The following OARD1 variants were observed in gnomAD, a reference collection of about 807,000 sequenced individuals.
The protein encoded by OARD1 is O-acyl-ADP-ribose deacylase 1, also known as ADP-ribose glycohydrolase OARD1.
OARD1 carries 19 observed loss-of-function variants against 19.7 expected under a neutral mutation model. That is an observed-to-expected ratio of 0.96 (90% CI 0.67 to 1.41). The LOEUF (loss-of-function observed/expected upper bound fraction) is 1.41, where lower values mean the gene tolerates loss of function less well. Ranked by LOEUF, OARD1 falls within the 40% of genes most tolerant of loss-of-function variation. The pLI is 0.00. For synonymous variants in OARD1, 70 were observed against 61.8 expected, an observed-to-expected ratio of 1.13 and a Z score of -0.62; for missense variants, 190 against 183.8, an observed-to-expected ratio of 1.03 and a Z score of -0.20.
At chr6:41,097,453 C>G (rs144914647) in intron 1 of OARD1, 1 of 1,597,388 alleles carries the variant, frequency 6.3e-7, no homozygotes, top group South Asian at 1.1e-5. Flanking sequence ...ATGTTTCTCA[C>G]TGTTCCAGGA....
intron 1 of OARD1, chr6:41,089,772 T>C: frequency 6.3e-7 from 1 of 1,575,720 alleles, no homozygotes; most frequent in Non-Finnish European, 8.6e-7. Flanking sequence ...GATAACTGAG[T>C]CAGATATTTC....
intron 1 of OARD1, among the ~76,000 whole-genome samples, chr6:41,085,744 G>A (rs982050380): frequency 1.4e-5 from 2 of 142,836 alleles, no homozygotes; most frequent in South Asian, 2.1e-4. Context: ...ATGTGGGGTT[G>A]TGTTTTCATT....
intron 1 of OARD1, among the ~76,000 whole-genome samples, chr6:41,088,245 C>T (rs1016004372): frequency 4.0e-5 from 6 of 151,466 alleles, no homozygotes; most frequent in Non-Finnish European, 7.4e-5. Context: ...AGTGAAACCC[C>T]GTCTCTACTA....
rs1763379118 is a variant in OARD1, at chr6:41,071,418, C to T, written c.40-142G>A. ...TGATTTAAAGCCAAACCAATTACAG[C>T]ATGTGTAAAAGGAAAGTAATGGATG... On this transcript the variant is annotated intron_variant, in intron 2 of 5. Coordinates refer to ENST00000424266, the MANE Select transcript of OARD1 (RefSeq NM_001329686.2). 4 of 1,008,040 alleles carry T rather than the reference C, an allele frequency of 4.0e-6. No homozygotes were observed. The African/African-American group carries it at 4.9e-5, about 12-fold the overall frequency. The allele number at this position is 1,008,040 out of a possible 1,614,324, so 62.4% of individuals were successfully genotyped here. A position where few individuals can be genotyped will look rare whatever the true frequency, so the allele number is the denominator to read the frequency against.
At chr6:41,097,437 A>AAGGTCATGTTTCTCACTGTTCC in intron 1 of OARD1, 1 of 1,611,334 alleles carries the variant, frequency 6.2e-7, no homozygotes, top group East Asian at 2.2e-5. Context: ...GGAGCTGATC[A>AAGGTCATGTTTCTCACTGTTCC]AGGTCATGTT....
chr6:41,078,102 A>T (rs577627906), intron 1 of OARD1, among the ~76,000 whole-genome samples: 14 of 152,176 alleles, frequency 9.2e-5, no homozygotes, highest in Non-Finnish European at 1.5e-4. Context: ...GTCTATTAAC[A>T]TCTTACTATA....
chr6:41,080,366 C>T (rs1036212197), intron 1 of OARD1, among the ~76,000 whole-genome samples: 1 of 151,938 alleles, frequency 6.6e-6, no homozygotes, highest in Non-Finnish European at 1.5e-5. Flanking sequence ...AAGATGATTT[C>T]GGTTCATAGT....
Position 41,097,496 on chromosome 6 carries a change from A to T in OARD1, c.-42+217T>A, listed in dbSNP as rs1764395082. 1.1e-5 allele frequency: 15 copies of T among 1,398,688 alleles called. 1 individual carries two copies. Among genetic ancestry groups the T allele is most frequent in the South Asian group, 9.4e-5 (8 of 85,042 alleles). The allele number at this position is 1,398,688 out of a possible 1,614,324, so 86.6% of individuals were successfully genotyped here. ...CAACTCTTCCAATGGGACATTGATG[A>T]TCACATTCTGCCCTTTACTACAGGA... On this transcript the variant is annotated intron_variant, in intron 1 of 4. Coordinates refer to the OARD1 transcript ENST00000480585.
At chr6:41,089,778 AT>A in intron 1 of OARD1, 1 of 1,569,008 alleles carries the variant, frequency 6.4e-7, no homozygotes, top group Non-Finnish European at 8.6e-7. Flanking sequence ...TGAGTCAGAT[AT>A]TTCATGTATA....
At chr6:41,081,709 A>G (rs889554335) in intron 1 of OARD1, among the ~76,000 whole-genome samples, 3 of 150,356 alleles carry the variant, frequency 2.0e-5, no homozygotes, top group African/African-American at 7.5e-5. Context: ...AATCTTGTTA[A>G]TCTCTTGTTA....
chr6:41,086,329 T>C (rs1764043241), intron 1 of OARD1, among the ~76,000 whole-genome samples: 1 of 152,234 alleles, frequency 6.6e-6, no homozygotes, highest in African/African-American at 2.4e-5. Flanking sequence ...TCATTCTAGC[T>C]CTAAATTCTG....
In OARD1 at chr6:41,097,310, G is replaced by A. The variant is rs376622621; in HGVS notation, c.-42+403C>T. On this transcript the variant is annotated intron_variant, in intron 1 of 4. Transcript: ENST00000480585. ...TAAGTAGTGAGAGCCATGAGTTCCT[G>A]TTGCTTTTGCAAAGGACTTTAATCA... 1.4e-5 allele frequency: 23 copies of A among 1,588,364 alleles called. No homozygotes were observed. The African/African-American group carries it at 2.4e-4, about 17-fold the overall frequency.
upstream of OARD1, chr6:41,075,769 T>A (rs530298742): frequency 6.6e-6 from 1 of 152,028 alleles, no homozygotes; most frequent in Non-Finnish European, 1.5e-5. Context: ...TATCCCCAGC[T>A]GGAACAAATC....
Position 41,081,125 on chromosome 6 carries a change from T to G in OARD1, c.-41-9450A>C, listed in dbSNP as rs571370464. 2.0e-5 allele frequency among the ~76,000 whole-genome samples: 3 copies of G among 152,330 alleles called. No individual in the cohort carries two copies. In the East Asian group the frequency reaches 5.8e-4, roughly 29 times the overall value. ...TGAGAATTGGATTTGACTAGCATGT[T>G]TCTTTGAGAATGCCTGGAAAAGAAA... On this transcript the variant is annotated intron_variant, in intron 1 of 4. Transcript: ENST00000480585.
intron 1 of OARD1, among the ~76,000 whole-genome samples, chr6:41,092,675 TG>T (rs1259635649): frequency 6.6e-6 from 1 of 152,216 alleles, no homozygotes; most frequent in Non-Finnish European, 1.5e-5. Flanking sequence ...AATTAGGGCA[TG>T]GTTATATAGT....
At chr6:41,082,266 G>C (rs372271432) in intron 1 of OARD1, among the ~76,000 whole-genome samples, 1 of 152,352 alleles carries the variant, frequency 6.6e-6, no homozygotes, top group East Asian at 1.9e-4. Flanking sequence ...AACTGAGCTT[G>C]TAGGCATTCC....
At chr6:41,089,436 C>T in intron 1 of OARD1, 1 of 808,410 alleles carries the variant, frequency 1.2e-6, no homozygotes, top group South Asian at 3.1e-5. Flanking sequence ...GTTGTGTCTA[C>T]TTCATAATGG....
At chr6:41,089,110 A>C (rs1205352325) in intron 1 of OARD1, among the ~76,000 whole-genome samples, 1 of 152,052 alleles carries the variant, frequency 6.6e-6, no homozygotes, top group South Asian at 2.1e-4. Flanking sequence ...CAGTCTCCCA[A>C]GTAGCTGGGA....
chr6:41,087,853 C>T (rs1343080923), intron 1 of OARD1, among the ~76,000 whole-genome samples: 1 of 152,068 alleles, frequency 6.6e-6, no homozygotes, highest in African/African-American at 2.4e-5. Context: ...TGATAACACT[C>T]CTAATAAAGT....
Sources: gnomAD v4.1 joint callset for allele counts (sites outside exome capture counted in the v4.1 genomes callset) on GRCh38, gnomAD v4.1.1 for gene constraint, MANE v1.5 for transcripts, NCBI Gene and HGNC (gene_info 2026-07-23, HGNC 2026-07-21) for gene names.